The following SCHIP1 variants were observed in gnomAD, a reference collection of about 807,000 sequenced individuals.
SCHIP1 encodes schwannomin-interacting protein 1.
SCHIP1 carries 8 observed loss-of-function variants against 29.7 expected under a neutral mutation model. The observed-to-expected ratio is 0.27, with a 90% CI of 0.16 to 0.49. The LOEUF (loss-of-function observed/expected upper bound fraction) is 0.49, where lower values mean the gene tolerates loss of function less well. Among genes scored for constraint, SCHIP1 ranks in the 20% least tolerant of loss-of-function variants. The pLI, the probability that SCHIP1 is intolerant of heterozygous loss-of-function variation, is 0.99. For missense variants in SCHIP1, 193 were observed against 294.6 expected (o/e 0.66, Z 2.52); for synonymous variants, 76 against 94.9 (o/e 0.80, Z 1.16).
the SCHIP1 span, among the ~76,000 whole-genome samples, chr3:159,394,536 T>C: frequency 5.3e-5 from 8 of 152,340 alleles, no homozygotes; most frequent in South Asian, 1.7e-3. Flanking sequence ...GGTTGTTGAA[T>C]TTTGTCAAAG....
At chr3:159,717,963 C>T in the SCHIP1 span, among the ~76,000 whole-genome samples, 2 of 152,128 alleles carry the variant, frequency 1.3e-5, no homozygotes, top group Non-Finnish European at 2.9e-5. Context: ...CTGATGAACA[C>T]TGATGCAAAA....
At chr3:159,892,550 G>A in intron 6 of SCHIP1, 1 of 456,984 alleles carries the variant, frequency 2.2e-6, no homozygotes, top group East Asian at 3.7e-5. Context: ...GCAGCCATGT[G>A]ATGAGTTCTC....
At chr3:159,871,376 G>T (rs981879882) in intron 2 of SCHIP1, among the ~76,000 whole-genome samples, 1 of 120,430 alleles carries the variant, frequency 8.3e-6, no homozygotes, top group Admixed American at 8.4e-5. Context: ...GGTGGGGGGG[G>T]GCTTATTATA....
chr3:159,805,282 C>A, the SCHIP1 span, among the ~76,000 whole-genome samples: 1 of 152,108 alleles, frequency 6.6e-6, no homozygotes, highest in Non-Finnish European at 1.5e-5. Context: ...CTAGCAGCAC[C>A]CAAGGAACTG....
the SCHIP1 span, among the ~76,000 whole-genome samples, chr3:159,704,575 C>A: frequency 1.3e-5 from 2 of 152,074 alleles, no homozygotes; most frequent in African/African-American, 2.4e-5. Context: ...TGGCATCTAG[C>A]AGTCACTTAA....
the SCHIP1 span, among the ~76,000 whole-genome samples, chr3:159,703,250 T>C: frequency 1.3e-5 from 2 of 152,194 alleles, no homozygotes; most frequent in Non-Finnish European, 2.9e-5. Flanking sequence ...CACTTATAGA[T>C]TGAATAAATA....
At chr3:159,718,134 T>C in the SCHIP1 span, among the ~76,000 whole-genome samples, 1 of 152,182 alleles carries the variant, frequency 6.6e-6, no homozygotes, top group South Asian at 2.1e-4. Flanking sequence ...AAAAACCACA[T>C]GATTATCTCA....
the SCHIP1 span, among the ~76,000 whole-genome samples, chr3:159,631,067 A>G: frequency 6.6e-6 from 1 of 152,176 alleles, no homozygotes; most frequent in Non-Finnish European, 1.5e-5. Context: ...AAATAAGTAC[A>G]TGAAAAGGTG....
the SCHIP1 span, among the ~76,000 whole-genome samples, chr3:159,501,419 T>A: frequency 4.7e-4 from 72 of 152,286 alleles, no homozygotes; most frequent in African/African-American, 1.6e-3. Context: ...AAAAGCAAAT[T>A]TACATTTTAT....
chr3:159,493,996 A>G, the SCHIP1 span, among the ~76,000 whole-genome samples: 1 of 152,206 alleles, frequency 6.6e-6, no homozygotes, highest in Admixed American at 6.5e-5. Context: ...CTGCTCCTGA[A>G]TGACTACTGG....
the SCHIP1 span, chr3:159,721,950 T>A: frequency 1.5e-5 from 6 of 398,292 alleles, no homozygotes; most frequent in African/African-American, 1.0e-4. Context: ...ATAAAGGCAG[T>A]CCTCTGTGTT....
the SCHIP1 span, among the ~76,000 whole-genome samples, chr3:159,810,194 T>C: frequency 1.3e-5 from 2 of 152,032 alleles, no homozygotes; most frequent in South Asian, 4.2e-4. Flanking sequence ...TACAGGCAGG[T>C]GCCACCACGC....
the SCHIP1 span, among the ~76,000 whole-genome samples, chr3:159,556,962 A>ATT: frequency 6.8e-6 from 1 of 146,140 alleles, no homozygotes. Context: ...AAAAAAAAAG[A>ATT]TTTTTTTTTT....
chr3:159,662,296 G>A, the SCHIP1 span, among the ~76,000 whole-genome samples: 8 of 152,310 alleles, frequency 5.3e-5, no homozygotes, highest in South Asian at 1.4e-3. Flanking sequence ...GTTCAGGTGG[G>A]CTCTTGCTAT....
the SCHIP1 span, among the ~76,000 whole-genome samples, chr3:159,444,556 T>A: frequency 6.6e-6 from 1 of 152,166 alleles, no homozygotes; most frequent in Non-Finnish European, 1.5e-5. Context: ...TTAATTGAAT[T>A]TCTCTGAGGG....
chr3:159,777,561 A>G, the SCHIP1 span, among the ~76,000 whole-genome samples: 1 of 152,158 alleles, frequency 6.6e-6, no homozygotes, highest in Non-Finnish European at 1.5e-5. Flanking sequence ...TCAAAAATTG[A>G]TTTGTTATTT....
At chr3:159,892,119 G>A in exon 6 of SCHIP1, 1 of 1,613,698 alleles carries the variant, frequency 6.2e-7, no homozygotes, top group South Asian at 1.1e-5. Flanking sequence ...AGTTGGTCCA[G>A]CTGCTTCTCA....
At chr3:159,797,977 G>T in the SCHIP1 span, among the ~76,000 whole-genome samples, 3 of 152,196 alleles carry the variant, frequency 2.0e-5, no homozygotes, top group East Asian at 5.8e-4. Flanking sequence ...CCTTATGCCA[G>T]CTAAAACTGG....
chr3:159,322,478 CCACTT>C, the SCHIP1 span, among the ~76,000 whole-genome samples: 5 of 152,210 alleles, frequency 3.3e-5, no homozygotes, highest in African/African-American at 7.2e-5. Context: ...AATCAATCCT[CCACTT>C]CACCACCCAC....
Sources: gnomAD v4.1 joint callset for allele counts (sites outside exome capture counted in the v4.1 genomes callset) on GRCh38, gnomAD v4.1.1 for gene constraint, MANE v1.5 for transcripts, NCBI Gene and HGNC (gene_info 2026-07-23, HGNC 2026-07-21) for gene names.